The following AEBP1 variants were observed in gnomAD, a reference collection of about 807,000 sequenced individuals.
The protein encoded by AEBP1 is AE binding protein 1, also known as adipocyte enhancer-binding protein 1.
AEBP1 carries 69 observed loss-of-function variants against 116.5 expected under a neutral mutation model. The observed-to-expected ratio is 0.59, with a 90% CI of 0.49 to 0.72. The LOEUF (loss-of-function observed/expected upper bound fraction) is 0.72, where lower values mean the gene tolerates loss of function less well. AEBP1 is among the 30% of genes least tolerant of loss of function. The probability of loss-of-function intolerance (pLI) is 0.00; values close to 1 mark genes in which losing one functional copy is unlikely to be tolerated. For synonymous variants in AEBP1, 627 were observed against 627.3 expected (o/e 1.00, Z 0.01); for missense variants, 1,444 against 1,557.5 (o/e 0.93, Z 1.23).
intron 1 of AEBP1, among the ~76,000 whole-genome samples, chr7:44,105,951 C>G (rs1030968910): frequency 4.6e-5 from 7 of 152,164 alleles, no homozygotes; most frequent in African/African-American, 7.2e-5. Context: ...TTTCTGTCCT[C>G]TGTGTGATCC....
At position 44,110,709 on chromosome 7, in the gene AEBP1, A is replaced by G. The variant is rs751394852; in HGVS notation, c.1401-16A>G. 2 of 1,516,790 alleles carry G rather than the reference A, an allele frequency of 1.3e-6. No individual in the cohort carries two copies. Among genetic ancestry groups the G allele is most frequent in the East Asian group, 4.6e-5 (2 of 43,940 alleles). 94.0% of individuals were successfully genotyped at this position (1,516,790 alleles called of 1,614,324 possible). On this transcript the variant is annotated splice_polypyrimidine_tract_variant and intron_variant, in intron 11 of 20. Coordinates refer to ENST00000223357, the MANE Select transcript of AEBP1 (RefSeq NM_001129.5). ...GAGGGGGAAGACCCTTGCTCTGACC[A>G]CTGTCCACTCCACAGTGACGATTTT...
intron 1 of AEBP1, 95 bp downstream of exon 1, chr7:44,105,013 G>T: frequency 9.3e-7 from 1 of 1,070,870 alleles, no homozygotes; most frequent in Non-Finnish European, 1.3e-6. Context: ...CAGTCTGCTA[G>T]GGGAGGAATG....
chr7:44,110,146 T>C, intron 10 of AEBP1, 22 bp downstream of exon 10: 1 of 1,613,102 alleles, frequency 6.2e-7, no homozygotes, highest in Non-Finnish European at 8.5e-7. Context: ...GATGGGCCCA[T>C]CTCCCAACTG....
Position 44,113,478 on chromosome 7 carries a change from G to T in AEBP1, c.2810-116G>T, listed in dbSNP as rs1450662447. 3.2e-6 allele frequency: 4 copies of T among 1,260,850 alleles called. No homozygotes were observed. Among genetic ancestry groups the T allele is most frequent in the Non-Finnish European group, 3.1e-6 (3 of 976,832 alleles). The allele number at this position is 1,260,850 out of a possible 1,614,324, so 78.1% of individuals were successfully genotyped here. On this transcript the variant is annotated intron_variant, in intron 20 of 20. Transcript: ENST00000223357. The surrounding 1 kb of genome is among the most constrained non-coding windows in gnomAD (Gnocchi z 5.3). The stretch of plus-strand genomic sequence containing the variant: ...TGGGGGCGAAATTCAGAGAGGGAGG[G>T]CGGTGCTGGGGGCGGGAACTCAGAG...
At chr7:44,109,711 G>T in intron 9 of AEBP1, 1 of 566,324 alleles carries the variant, frequency 1.8e-6, no homozygotes. Context: ...CGCCCTGGGG[G>T]AGCTCTACCT....
At position 44,112,236 on chromosome 7, in the gene AEBP1, G is replaced by A; in HGVS notation, c.2132G>A (p.Gly711Glu). ...CCGGATCTCAACTCTGTGCTCTGGG[G>A]AGCTGAGGAGAGGAAATGGGTCCCC... ...DFPDLNSVLW[G>E]AEERKWVPYR... The change falls in exon 17 of 21, where the codon GGA becomes GAA. Residue 711 changes from glycine (G) to glutamate (E), a missense_variant. By Grantham distance (98) the Gly-to-Glu change is moderately conservative. Transcript: ENST00000223357. This position sits in a 1 kb window ranked among gnomAD's most constrained non-coding sequence, Gnocchi z 6.6. 2.5e-6 allele frequency: 4 copies of A among 1,607,934 alleles called. No individual in the cohort carries two copies. Among genetic ancestry groups the A allele is most frequent in the Non-Finnish European group, 3.4e-6 (4 of 1,175,260 alleles).
chr7:44,113,863 C>T lies in AEBP1; in HGVS notation c.3079C>T (p.Leu1027=), dbSNP rs2096233209. 1 of 1,613,786 alleles carries T rather than the reference C, an allele frequency of 6.2e-7. No homozygotes were observed. Among genetic ancestry groups the T allele is most frequent in the African/African-American group, 1.3e-5 (1 of 75,050 alleles). Residue 1027 remains leucine (L), a synonymous_variant, in exon 21 of 21, where the codon CTG becomes TTG. Transcript: ENST00000223357. This position sits in a 1 kb window ranked among gnomAD's most constrained non-coding sequence, Gnocchi z 5.3. ...RLQQRRLQHR[L]RLRAQMRLRR... is the part of the protein sequence containing the mutation. The stretch of plus-strand genomic sequence containing the variant: ...GCAGCAGCGACGCCTACAACACCGC[C>T]TGCGGCTTCGGGCACAGATGCGGCT...
At position 44,110,194 on chromosome 7, in the gene AEBP1, G is replaced by C. The variant is rs2096227638; in HGVS notation, c.1261-13G>C. On this transcript the variant is annotated splice_polypyrimidine_tract_variant and intron_variant, in intron 10 of 20. Transcript: ENST00000223357. ...CCTCCGCCCATGCTCAGCCTCCCCT[G>C]CCCCCTGGACAGACCGGTGCCACTG... The C allele has an allele frequency of 6.2e-7, 1 of 1,613,500 alleles. No individual in the cohort carries two copies. The highest frequency in any genetic ancestry group is 1.7e-5 in the Admixed American group (1 of 60,012).
Position 44,107,629 on chromosome 7 carries a change from A to C in AEBP1, c.668A>C (p.Glu223Ala). Residue 223 changes from glutamate (E) to alanine (A), a missense_variant and splice_region_variant, in exon 4 of 21, where the codon GAG (glutamate) becomes GCG (alanine). Transcript: ENST00000223357. This position sits in a 1 kb window ranked among gnomAD's most constrained non-coding sequence, Gnocchi z 4.3. ...THVEAREHQP[E>A]PEEETEQPTL... ...GCAGCTACCAGCGCTTTCCCCTCAGAGCCGGAGGAGGAGACCGAGCAACCC... is the reference window on the plus strand; with the variant it reads ...GCAGCTACCAGCGCTTTCCCCTCAGCGCCGGAGGAGGAGACCGAGCAACCC... The C allele has an allele frequency of 6.2e-7, 1 of 1,613,560 alleles. No individual in the cohort carries two copies. The highest frequency in any genetic ancestry group is 8.5e-7 in the Non-Finnish European group (1 of 1,179,940).
chr7:44,110,054 A>T lies in AEBP1; in HGVS notation c.1190A>T (p.Asp397Val). ...GGGATGGAGTCACACCGTATTGAGGACAACCAGATCCGAGCCTCCTCCATG... is the reference window on the plus strand; with the variant it reads ...GGGATGGAGTCACACCGTATTGAGGTCAACCAGATCCGAGCCTCCTCCATG... ...PIGMESHRIEDNQIRASSMLR... is the reference protein window; with the variant it reads ...PIGMESHRIEVNQIRASSMLR... The change falls in exon 10 of 21, where the codon GAC becomes GTC. Residue 397 changes from aspartate to valine, a missense_variant. Transcript: ENST00000223357. The T allele has an allele frequency of 6.2e-7, 1 of 1,612,972 alleles. No homozygotes were observed. The highest frequency in any genetic ancestry group is 8.5e-7 in the Non-Finnish European group (1 of 1,179,964).
In AEBP1 at chr7:44,112,145, T is replaced by C. The variant is rs746310560; in HGVS notation, c.2041T>C (p.Ser681Pro). The C allele has an allele frequency of 1.9e-6, 3 of 1,598,128 alleles. No individual in the cohort carries two copies. The East Asian group carries it at 6.7e-5, about 36-fold the overall frequency. Residue 681 changes from serine to proline, a missense_variant, in exon 17 of 21, where the codon TCA (serine) becomes CCA (proline). By Grantham distance (74) the Ser-to-Pro change is moderately conservative. Transcript: ENST00000223357. The surrounding 1 kb of genome is among the most constrained non-coding windows in gnomAD (Gnocchi z 6.6). ...DGYEVAAQMGSEFGNWALGLW... is the reference protein window; with the variant it reads ...DGYEVAAQMGPEFGNWALGLW... ...CTACCCTGCTGGCTCCCCACAGGGC[T>C]CAGAGTTTGGGAACTGGGCGCTGGG...
At position 44,112,539 on chromosome 7, in the gene AEBP1, C is replaced by A. The variant is rs748780685; in HGVS notation, c.2218-19C>A. ...GGCCGGAGCTGCAGCCCTGGCCTCA[C>A]ACGTGCTGGCCACTCCAGGTATCCA... On this transcript the variant is annotated intron_variant, in intron 17 of 20. Coordinates refer to ENST00000223357, the MANE Select transcript of AEBP1 (RefSeq NM_001129.5). The surrounding 1 kb of genome is among the most constrained non-coding windows in gnomAD (Gnocchi z 6.6). The A allele has an allele frequency of 3.9e-6, 6 of 1,555,620 alleles. No homozygotes were observed. The East Asian group carries it at 1.4e-4, about 35-fold the overall frequency.
rs369402824 is a variant in AEBP1 at position 44,112,015 on chromosome 7, C to T, written c.2002C>T (p.Leu668=). The T allele has an allele frequency of 5.3e-5, 86 of 1,613,818 alleles. No homozygotes were observed. The African/African-American group carries it at 9.9e-4, about 19-fold the overall frequency. ...CACACGCATCCACCTGGTGCCCTCA[C>T]TGAACCCTGATGGCTACGAGGTGGC... The part of the protein sequence containing the change: ...QDTRIHLVPS[L]NPDGYEVAAQ... The change falls in exon 16 of 21, where the codon CTG becomes TTG. Residue 668 remains leucine, a synonymous_variant. Transcript: ENST00000223357. The surrounding 1 kb of genome is among the most constrained non-coding windows in gnomAD (Gnocchi z 6.6).
At chr7:44,105,303 C>G (rs1182250163) in intron 1 of AEBP1, among the ~76,000 whole-genome samples, 1 of 152,164 alleles carries the variant, frequency 6.6e-6, no homozygotes, top group East Asian at 1.9e-4. Context: ...TCACGTCGTC[C>G]CTCCCTCCTG....
Position 44,106,685 on chromosome 7 carries a change from C to G in AEBP1, c.393C>G (p.Pro131=). The G allele has an allele frequency of 6.2e-7, 1 of 1,612,434 alleles. No homozygotes were observed. Among genetic ancestry groups the G allele is most frequent in the Non-Finnish European group, 8.5e-7 (1 of 1,179,582 alleles). The change falls in exon 2 of 21, where the codon CCC becomes CCG. Residue 131 remains proline (P), a synonymous_variant. Coordinates refer to ENST00000223357, the MANE Select transcript of AEBP1 (RefSeq NM_001129.5). ...AGCCACCCAAGGCCACCAAGAAGCC[C>G]AAGGAGAAGCCACCTAAGGCCACCA... is the stretch of plus-strand genomic sequence containing the variant. ...KEKPPKATKK[P]KEKPPKATKK...
rs1376361315 is a variant in AEBP1 at position 44,111,829 on chromosome 7, C to T, written c.1841-25C>T. The T allele has an allele frequency of 1.2e-6, 2 of 1,603,650 alleles. No individual in the cohort carries two copies. The highest frequency in any genetic ancestry group is 1.7e-6 in the Non-Finnish European group (2 of 1,174,834). On this transcript the variant is annotated intron_variant, in intron 15 of 20. Transcript: ENST00000223357. This position sits in a 1 kb window ranked among gnomAD's most constrained non-coding sequence, Gnocchi z 4.7. ...GCCCTGGGCCTCGGGAGACTGAGTG[C>T]TCACTGAGGCTCCCGCCCTTGCAGG... is the stretch of plus-strand genomic sequence containing the variant.
At chr7:44,109,410 C>A in intron 9 of AEBP1, 69 bp downstream of exon 9, 1 of 1,438,560 alleles carries the variant, frequency 7.0e-7, no homozygotes, top group Non-Finnish European at 9.2e-7. Flanking sequence ...AGTGACTGGC[C>A]CAATGTCACA....
chr7:44,111,894 C>G lies in AEBP1; in HGVS notation c.1881C>G (p.Asn627Lys), dbSNP rs999314482. The change falls in exon 16 of 21, where the codon AAC (asparagine) becomes AAG (lysine). Residue 627 changes from asparagine to lysine, a missense_variant. Asn to Lys is a moderately conservative substitution (Grantham distance 94, BLOSUM62 0). Transcript: ENST00000223357. The surrounding 1 kb of genome is among the most constrained non-coding windows in gnomAD (Gnocchi z 4.7). ...EFRYTAGIHG[N>K]EVLGRELLLL... ...GCTACACTGCTGGGATCCATGGCAA[C>G]GAGGTGCTGGGCCGAGAGCTGTTGC... The G allele has an allele frequency of 1.9e-6, 3 of 1,613,712 alleles. No individual in the cohort carries two copies. The highest frequency in any genetic ancestry group is 3.3e-5 in the Admixed American group (2 of 60,020).
chr7:44,108,059 T>C lies in AEBP1; in HGVS notation c.915T>C (p.Gly305=). 6.2e-7 allele frequency: 1 copy of C among 1,602,220 alleles called. No homozygotes were observed. Among genetic ancestry groups the C allele is most frequent in the South Asian group, 1.1e-5 (1 of 89,316 alleles). The change falls in exon 6 of 21, where the codon GGT becomes GGC. Residue 305 remains glycine, a synonymous_variant. Coordinates refer to ENST00000223357, the MANE Select transcript of AEBP1 (RefSeq NM_001129.5). This position sits in a 1 kb window ranked among gnomAD's most constrained non-coding sequence, Gnocchi z 5.0. Reference sequence around the variant, plus strand: ...CGCTGCCCCCTGACTATGGTGATGGTTACGTGATCCCCAACTACGATGACA... The same window carrying C: ...CGCTGCCCCCTGACTATGGTGATGGCTACGTGATCCCCAACTACGATGACA... ...LPPLPPDYGD[G]YVIPNYDDMD...
Sources: allele counts gnomAD v4.1 joint callset (sites outside exome capture counted in the v4.1 genomes callset), GRCh38; gene constraint gnomAD v4.1.1; non-coding constraint Gnocchi (gnomAD v3.1); transcripts MANE v1.5; gene names NCBI Gene and HGNC (gene_info 2026-07-23, HGNC 2026-07-21).